Variants in ULK4 observed in about 807,000 individuals in gnomAD.
ULK4 encodes the protein inactive serine/threonine-protein kinase ULK4.
A neutral mutation model predicts 160.6 loss-of-function variants in ULK4; 133 were observed. That is an observed-to-expected ratio of 0.83 (90% CI 0.72 to 0.96). The LOEUF is 0.96. Among genes scored for constraint, ULK4 ranks in the 40% least tolerant of loss-of-function variants. ULK4 has a pLI of 0.00. For synonymous variants in ULK4, 534 were observed against 539.8 expected (o/e 0.99, Z 0.15); for missense variants, 1,580 against 1,499.5 (o/e 1.05, Z -0.89).
intron 18 of ULK4, among the ~76,000 whole-genome samples, chr3:41,822,722 A>ATTT (rs1199516780): frequency 8.2e-5 from 9 of 109,464 alleles, no homozygotes; most frequent in Non-Finnish European, 1.1e-4. Context: ...CCGGGCTGAG[A>ATTT]TTTTTTTTTT....
intron 21 of ULK4, among the ~76,000 whole-genome samples, chr3:41,773,881 C>T (rs1442634146): frequency 4.4e-4 from 67 of 151,786 alleles, no homozygotes; most frequent in East Asian, 7.7e-4. Context: ...GAGATATAGA[C>T]CAATGGAACA....
In ULK4 at chr3:41,493,606, C is replaced by CA. The variant is rs1466458399; in HGVS notation, c.3227-30354dup. 6.7e-5 allele frequency among the ~76,000 whole-genome samples: 9 copies of CA among 134,556 alleles called. 1 individual carries two copies. Among genetic ancestry groups the CA allele is most frequent in the East Asian group, 2.0e-4 (1 of 5,052 alleles). 88.3% of individuals were successfully genotyped at this position (134,556 alleles called of 152,430 possible). On this transcript the variant is annotated intron_variant, in intron 32 of 36. Coordinates refer to ENST00000301831, the MANE Select transcript of ULK4 (RefSeq NM_017886.4). ...AGCAGAACTGAAGCAAATACAGACACAAAAAACCCTTCAAAAAATCAGGGA... is the reference window on the plus strand; with the variant it reads ...AGCAGAACTGAAGCAAATACAGACACAAAAAAACCCTTCAAAAAATCAGGGA...
At chr3:41,707,533 A>C (rs956368514) in intron 25 of ULK4, among the ~76,000 whole-genome samples, 1 of 152,140 alleles carries the variant, frequency 6.6e-6, no homozygotes, top group South Asian at 2.1e-4. Flanking sequence ...AAATAACCCA[A>C]TGTTTTCAAA....
intron 35 of ULK4, among the ~76,000 whole-genome samples, chr3:41,395,943 T>C (rs1198100593): frequency 6.6e-6 from 1 of 152,136 alleles, no homozygotes; most frequent in African/African-American, 2.4e-5. Flanking sequence ...AAAGAAGCCA[T>C]TTTAAATAGT....
At chr3:41,729,089 G>T (rs944541203) in intron 22 of ULK4, among the ~76,000 whole-genome samples, 1 of 152,170 alleles carries the variant, frequency 6.6e-6, no homozygotes, top group African/African-American at 2.4e-5. Context: ...GTATCTGAAG[G>T]AGAACGCTGA....
At chr3:41,459,176 C>G (rs1048112618) in intron 33 of ULK4, among the ~76,000 whole-genome samples, 16 of 152,188 alleles carry the variant, frequency 1.1e-4, no homozygotes, top group Admixed American at 2.6e-4. Context: ...TTCAGCCTCC[C>G]GAGTAGCTAG....
At chr3:41,589,481 A>G (rs983770477) in intron 31 of ULK4, among the ~76,000 whole-genome samples, 41 of 151,608 alleles carry the variant, frequency 2.7e-4, no homozygotes, top group Non-Finnish European at 5.4e-4. Flanking sequence ...AGGTAGGAGT[A>G]AGAGAAACAA....
chr3:41,655,105 T>C (rs1052431091), intron 30 of ULK4, among the ~76,000 whole-genome samples: 1 of 151,932 alleles, frequency 6.6e-6, no homozygotes, highest in Non-Finnish European at 1.5e-5. Context: ...GCCCAGGAGT[T>C]TGAGACCAGC....
intron 22 of ULK4, among the ~76,000 whole-genome samples, chr3:41,749,823 A>G (rs1466264075): frequency 1.3e-5 from 2 of 152,228 alleles, no homozygotes; most frequent in Non-Finnish European, 2.9e-5. Flanking sequence ...AGAGGAGGGA[A>G]GTCAAAGATG....
At chr3:41,892,747 A>C (rs1317248791) in intron 16 of ULK4, among the ~76,000 whole-genome samples, 1 of 152,166 alleles carries the variant, frequency 6.6e-6, no homozygotes, top group African/African-American at 2.4e-5. Context: ...AAACTTACCA[A>C]ATCACCATAT....
chr3:41,919,588 C>G, intron 6 of ULK4, 129 bp downstream of exon 6: 1 of 748,412 alleles, frequency 1.3e-6, no homozygotes, highest in South Asian at 1.8e-5. Context: ...GGTGACAGTA[C>G]GAGACTCTGT....
intron 19 of ULK4, among the ~76,000 whole-genome samples, chr3:41,808,203 C>T (rs1411828712): frequency 1.3e-5 from 2 of 152,108 alleles, no homozygotes; most frequent in East Asian, 1.9e-4. Flanking sequence ...ATGCCTTGCT[C>T]TTTGTCTTAT....
chr3:41,367,724 T>C (rs1179396571), intron 35 of ULK4, among the ~76,000 whole-genome samples: 2 of 152,204 alleles, frequency 1.3e-5, no homozygotes, highest in African/African-American at 4.8e-5. Flanking sequence ...TATAGTGATA[T>C]TGTGCATTTT....
chr3:41,884,040 C>CA lies in ULK4; in HGVS notation c.1578-89dup, dbSNP rs985983303. 6.6e-6 allele frequency: 6 copies of CA among 912,906 alleles called. No individual in the cohort carries two copies. In the African/African-American group the frequency reaches 9.7e-5, roughly 15 times the overall value. 56.6% of individuals were successfully genotyped at this position (912,906 alleles called of 1,614,324 possible). A position where few individuals can be genotyped will look rare whatever the true frequency, so the allele number is the denominator to read the frequency against. ...GCTAGTTACATTATGCAATGATGAGCATTAGATATAAGACTGAGAAATAAA... is the reference window on the plus strand; with the variant it reads ...GCTAGTTACATTATGCAATGATGAGCAATTAGATATAAGACTGAGAAATAAA... On this transcript the variant is annotated intron_variant, in intron 16 of 36. Coordinates refer to ENST00000301831, the MANE Select transcript of ULK4 (RefSeq NM_017886.4).
chr3:41,255,837 C>T (rs1318498117), intron 35 of ULK4, among the ~76,000 whole-genome samples: 1 of 152,154 alleles, frequency 6.6e-6, no homozygotes, highest in Non-Finnish European at 1.5e-5. Context: ...AGGGGACACA[C>T]AGGTTCTATA....
chr3:41,761,665 AACAT>A (rs1464418660), intron 21 of ULK4, among the ~76,000 whole-genome samples: 11 of 152,056 alleles, frequency 7.2e-5, no homozygotes, highest in African/African-American at 2.7e-4. Context: ...CAAATAATGG[AACAT>A]ACATCTTTTA....
chr3:41,882,285 T>C lies in ULK4; in HGVS notation c.1656+1589A>G, dbSNP rs947443372. 4.4e-5 allele frequency: 31 copies of C among 702,820 alleles called. No homozygotes were observed. The Admixed American group carries it at 6.2e-4, about 14-fold the overall frequency. 43.5% of individuals were successfully genotyped at this position (702,820 alleles called of 1,614,324 possible). On this transcript the variant is annotated intron_variant, in intron 17 of 36. Coordinates refer to ENST00000301831, the MANE Select transcript of ULK4 (RefSeq NM_017886.4). Reference sequence around the variant, plus strand: ...GATTCCAATGGAGCTTGTAGTCTAGTGTGGAAAGAGAAATAAATACATAAA... The same window carrying C: ...GATTCCAATGGAGCTTGTAGTCTAGCGTGGAAAGAGAAATAAATACATAAA...
At chr3:41,764,835 C>T (rs1212994632) in intron 21 of ULK4, among the ~76,000 whole-genome samples, 1 of 152,136 alleles carries the variant, frequency 6.6e-6, no homozygotes, top group Non-Finnish European at 1.5e-5. Context: ...GGACTGAAGG[C>T]TTTTGTCCAA....
chr3:41,568,813 G>C (rs1009804099), intron 31 of ULK4, among the ~76,000 whole-genome samples: 1 of 152,152 alleles, frequency 6.6e-6, no homozygotes, highest in Admixed American at 6.5e-5. Flanking sequence ...CCGGGAAACA[G>C]TATCAGACCC....
Sources: gnomAD v4.1 joint callset for allele counts (sites outside exome capture counted in the v4.1 genomes callset) on GRCh38, gnomAD v4.1.1 for gene constraint, MANE v1.5 for transcripts, NCBI Gene and HGNC (gene_info 2026-07-23, HGNC 2026-07-21) for gene names.